DLG1: variants seen among roughly 807,000 people sequenced by gnomAD.
DLG1 encodes discs large MAGUK scaffold protein 1.
A neutral mutation model predicts 123.4 loss-of-function variants in DLG1; 42 were observed. The ratio of observed to expected loss-of-function variants is 0.34; its 90% CI spans 0.27 to 0.44. The LOEUF (loss-of-function observed/expected upper bound fraction) is 0.44. Among genes scored for constraint, DLG1 ranks in the 20% least tolerant of loss-of-function variants. The probability of loss-of-function intolerance (pLI) is 1.00; values close to 1 mark genes in which losing one functional copy is unlikely to be tolerated. For missense variants in DLG1, 942 were observed against 1,082.6 expected (o/e 0.87, Z 1.82); for synonymous variants, 317 against 356.2 (o/e 0.89, Z 1.24).
rs1373940798 is a variant in DLG1 at position 197,297,685 on chromosome 3, T to A, written c.-31-450A>T. 4 of 989,086 alleles carry A rather than the reference T, an allele frequency of 4.0e-6. No homozygotes were observed. In the South Asian group the frequency reaches 1.8e-4, roughly 45 times the overall value. The allele number at this position is 989,086 out of a possible 1,614,324, so 61.3% of individuals were successfully genotyped here. ...TCCTCTCGCTTGCCTTTCTCCTTGC[T>A]CGCTGCCTCCGGGCTGCTCCAGCGG... is the stretch of plus-strand genomic sequence containing the variant. On this transcript the variant is annotated intron_variant, in intron 1 of 24. Coordinates refer to ENST00000667157, the MANE Select transcript of DLG1 (RefSeq NM_001366207.1).
chr3:197,106,337 C>T (rs1044377204), intron 13 of DLG1, among the ~76,000 whole-genome samples: 3 of 152,074 alleles, frequency 2.0e-5, no homozygotes, highest in Non-Finnish European at 4.4e-5. Context: ...ACCTGGGAGG[C>T]GGAAGTTACA....
intron 5 of DLG1, among the ~76,000 whole-genome samples, chr3:197,153,690 C>T: frequency 6.6e-6 from 1 of 152,252 alleles, no homozygotes; most frequent in East Asian, 1.9e-4. Context: ...TCTTTTTCCC[C>T]TTTTGGGAGC....
intron 3 of DLG1, among the ~76,000 whole-genome samples, chr3:197,286,535 C>A (rs1771946307): frequency 6.6e-6 from 1 of 152,184 alleles, no homozygotes; most frequent in Non-Finnish European, 1.5e-5. Context: ...CGCTCGCCTG[C>A]CGCTCAGGTA....
chr3:197,093,340 A>C (rs1389855754), intron 14 of DLG1, among the ~76,000 whole-genome samples: 2 of 151,970 alleles, frequency 1.3e-5, no homozygotes, highest in East Asian at 3.9e-4. Flanking sequence ...TGCATTTTTA[A>C]TAGAGACGGG....
chr3:197,138,166 G>T, intron 9 of DLG1, 56 bp downstream of exon 9: 1 of 1,092,044 alleles, frequency 9.2e-7, no homozygotes, highest in Non-Finnish European at 1.3e-6. Context: ...AAGTTCATAG[G>T]TATATTTAAC....
intron 5 of DLG1, among the ~76,000 whole-genome samples, chr3:197,192,639 T>C (rs186859099): frequency 3.3e-5 from 5 of 152,270 alleles, no homozygotes; most frequent in East Asian, 1.9e-4. Context: ...CTATCTTTAA[T>C]TGATATTCAG....
intron 13 of DLG1, among the ~76,000 whole-genome samples, chr3:197,109,554 T>C (rs1426158584): frequency 6.6e-6 from 1 of 152,212 alleles, no homozygotes; most frequent in African/African-American, 2.4e-5. Context: ...AATACCCTTA[T>C]GTTGTTTTAT....
chr3:197,166,957 T>C (rs1445318228), intron 5 of DLG1, among the ~76,000 whole-genome samples: 1 of 151,992 alleles, frequency 6.6e-6, no homozygotes, highest in Non-Finnish European at 1.5e-5. Context: ...AAGAAATGGC[T>C]GACTCCAGTG....
At chr3:197,139,244 A>G (rs1786691499) in intron 8 of DLG1, among the ~76,000 whole-genome samples, 1 of 152,298 alleles carries the variant, frequency 6.6e-6, no homozygotes, top group African/African-American at 2.4e-5. Flanking sequence ...AAACATAATT[A>G]AAATATTAAA....
chr3:197,069,009 T>C (rs200003672), intron 19 of DLG1, among the ~76,000 whole-genome samples: 4 of 53,360 alleles, frequency 7.5e-5, no homozygotes, highest in Non-Finnish European at 1.4e-4. Context: ...ACAAATAATA[T>C]TTTTATTTTA....
intron 15 of DLG1, among the ~76,000 whole-genome samples, chr3:197,086,941 CCA>C (rs10575860): frequency 0.3 from 45,043 of 151,884 alleles, 7,298 homozygotes; most frequent in African/African-American, 0.41. Context: ...AGGAAATCAC[CCA>C]CAATCTCTAC....
At chr3:197,204,140 G>C (rs1341501411) in intron 4 of DLG1, among the ~76,000 whole-genome samples, 3 of 152,176 alleles carry the variant, frequency 2.0e-5, no homozygotes, top group African/African-American at 7.2e-5. Flanking sequence ...CCCATGTATA[G>C]GAAAAATTAT....
intron 5 of DLG1, among the ~76,000 whole-genome samples, chr3:197,152,419 CTTTTTTTTT>C (rs768327685): frequency 2.1e-5 from 2 of 94,700 alleles, no homozygotes; most frequent in South Asian, 3.8e-4. Flanking sequence ...ATCCCAAAGT[CTTTTTTTTT>C]TTTTTTTTTT....
chr3:197,144,481 G>C (rs1390024387), intron 6 of DLG1, among the ~76,000 whole-genome samples: 1 of 152,138 alleles, frequency 6.6e-6, no homozygotes, highest in Non-Finnish European at 1.5e-5. Context: ...ATGTAAAGCA[G>C]AGCCATCCAA....
intron 18 of DLG1, chr3:197,069,662 T>C (rs1265908198): frequency 1.3e-5 from 2 of 153,860 alleles, no homozygotes; most frequent in African/African-American, 4.8e-5. Context: ...TAGATGCCCA[T>C]TTTAATGACG....
intron 13 of DLG1, among the ~76,000 whole-genome samples, chr3:197,107,486 A>G (rs1377267496): frequency 1.3e-5 from 2 of 152,146 alleles, no homozygotes; most frequent in Admixed American, 6.6e-5. Flanking sequence ...CGGAGCTTGC[A>G]GTGAACAGAG....
intron 4 of DLG1, among the ~76,000 whole-genome samples, chr3:197,240,375 A>G (rs1342924541): frequency 6.6e-6 from 1 of 152,210 alleles, no homozygotes; most frequent in African/African-American, 2.4e-5. Flanking sequence ...AGGTAACTAG[A>G]GAGAGCTAAA....
At chr3:197,127,492 AT>A (rs1560879140) in intron 11 of DLG1, among the ~76,000 whole-genome samples, 206 of 70,324 alleles carry the variant, frequency 2.9e-3, no homozygotes, top group Middle Eastern at 8.6e-3. Context: ...ATATATATAT[AT>A]ATAAAGTAAG....
At chr3:197,097,813 C>A (rs1469137223) in intron 14 of DLG1, among the ~76,000 whole-genome samples, 1 of 151,982 alleles carries the variant, frequency 6.6e-6, no homozygotes, top group Non-Finnish European at 1.5e-5. Flanking sequence ...AACTCCTGAC[C>A]TTGTGAGTCG....
Sources: gnomAD v4.1 joint callset for allele counts (sites outside exome capture counted in the v4.1 genomes callset) on GRCh38, gnomAD v4.1.1 for gene constraint, MANE v1.5 for transcripts, NCBI Gene and HGNC (gene_info 2026-07-23, HGNC 2026-07-21) for gene names.